Variants in MTUS2 observed in about 807,000 individuals in gnomAD.
MTUS2 encodes microtubule-associated tumor suppressor candidate 2.
Under a neutral mutation model 114.1 loss-of-function variants are expected in MTUS2, and 40 were observed. The ratio of observed to expected loss-of-function variants is 0.35; its 90% CI spans 0.27 to 0.46. The LOEUF (loss-of-function observed/expected upper bound fraction) is 0.46. Ranked by LOEUF, MTUS2 falls within the 20% of genes least tolerant of loss-of-function variation. The probability of loss-of-function intolerance (pLI) is 1.00; values close to 1 mark genes in which losing one functional copy is unlikely to be tolerated. For synonymous variants in MTUS2, 688 were observed against 672.0 expected (o/e 1.02, Z -0.37); for missense variants, 1,679 against 1,705.4 (o/e 0.98, Z 0.27).
At chr13:28,838,806 AAG>A (rs1378155525) in intron 1 of MTUS2, among the ~76,000 whole-genome samples, 1 of 152,198 alleles carries the variant, frequency 6.6e-6, no homozygotes, top group Non-Finnish European at 1.5e-5. Context: ...AAGAATTGAA[AAG>A]ATACACATAA....
chr13:29,473,965 A>T (rs1393612637), intron 9 of MTUS2, among the ~76,000 whole-genome samples: 1 of 152,188 alleles, frequency 6.6e-6, no homozygotes, highest in East Asian at 1.9e-4. Flanking sequence ...TAGACTTCTG[A>T]AGGTTTACTA....
chr13:29,477,633 G>A (rs182027951), intron 9 of MTUS2, among the ~76,000 whole-genome samples: 14 of 152,316 alleles, frequency 9.2e-5, no homozygotes, highest in Admixed American at 3.3e-4. Context: ...CTCTGACCAA[G>A]TCTGCCTTTC....
intron 9 of MTUS2, among the ~76,000 whole-genome samples, chr13:29,466,678 A>G (rs545118241): frequency 6.6e-5 from 10 of 152,070 alleles, no homozygotes; most frequent in Non-Finnish European, 1.0e-4. Context: ...GGAGTTCGAG[A>G]CCAGCATAGG....
intron 8 of MTUS2, among the ~76,000 whole-genome samples, chr13:29,363,284 G>C (rs1409252485): frequency 1.3e-5 from 2 of 152,120 alleles, no homozygotes; most frequent in Non-Finnish European, 1.5e-5. Context: ...GGATTTTCAT[G>C]TTACTTTTAA....
At chr13:29,307,750 A>G in intron 6 of MTUS2, 1 of 1,075,632 alleles carries the variant, frequency 9.3e-7, no homozygotes, top group South Asian at 1.2e-5. Flanking sequence ...CAACAGGGTG[A>G]TGGACCTCAT....
intron 2 of MTUS2, among the ~76,000 whole-genome samples, chr13:28,879,252 T>G (rs1335207291): frequency 6.6e-6 from 1 of 152,184 alleles, no homozygotes; most frequent in African/African-American, 2.4e-5. Context: ...AAAATTTTCT[T>G]CCATTCTGTA....
chr13:29,121,331 A>G (rs992082740), intron 5 of MTUS2, among the ~76,000 whole-genome samples: 7 of 152,210 alleles, frequency 4.6e-5, no homozygotes, highest in African/African-American at 1.7e-4. Flanking sequence ...CAAGGCAGAA[A>G]CAAACATGGA....
chr13:29,135,970 G>C (rs935653011), intron 5 of MTUS2, among the ~76,000 whole-genome samples: 13 of 152,242 alleles, frequency 8.5e-5, no homozygotes, highest in African/African-American at 3.1e-4. Flanking sequence ...GATAAAACTA[G>C]CTTTTAGACT....
At chr13:29,502,393 A>G (rs949186758) in intron 15 of MTUS2, among the ~76,000 whole-genome samples, 18 of 152,238 alleles carry the variant, frequency 1.2e-4, no homozygotes, top group African/African-American at 4.3e-4. Flanking sequence ...TTACGTGCCT[A>G]GCACCAGCTG....
At chr13:29,139,633 A>G (rs557091442) in intron 5 of MTUS2, among the ~76,000 whole-genome samples, 14 of 152,220 alleles carry the variant, frequency 9.2e-5, no homozygotes, top group African/African-American at 3.4e-4. Flanking sequence ...TCTTCACTCT[A>G]CGGTTTGGTC....
At position 29,488,053 on chromosome 13, in the gene MTUS2, C is replaced by T. The variant is rs189179437; in HGVS notation, c.3505+48C>T. ...GCAGGCAGGGGTGGGTGGTGCAATC[C>T]GAGCCTTTCCTGCTGCAGATGTGTG... is the stretch of plus-strand genomic sequence containing the variant. On this transcript the variant is annotated intron_variant, in intron 11 of 15. Coordinates refer to ENST00000612955, the MANE Select transcript of MTUS2 (RefSeq NM_001033602.4). The T allele has an allele frequency of 2.3e-4, 326 of 1,422,062 alleles. No individual in the cohort carries two copies. In the African/African-American group the frequency reaches 4.1e-3, roughly 18 times the overall value. The allele number at this position is 1,422,062 out of a possible 1,614,324, so 88.1% of individuals were successfully genotyped here.
chr13:29,281,812 C>T lies in MTUS2; in HGVS notation c.2753C>T (p.Thr918Ile). ...GCCCCTCCAGCATCCTCCAGTGTGA[C>T]AGCACCCCGCAGGAGTTTACTTCCA... is the stretch of plus-strand genomic sequence containing the variant. ...RVAPPASSSV[T>I]APRRSLLPAP... Residue 918 changes from threonine (T) to isoleucine (I), a missense_variant, in exon 6 of 16, where the codon ACA becomes ATA. Thr to Ile is a moderately conservative substitution (Grantham distance 89). Transcript: ENST00000612955. 6.2e-7 allele frequency: 1 copy of T among 1,611,856 alleles called. No individual in the cohort carries two copies. Among genetic ancestry groups the T allele is most frequent in the Non-Finnish European group, 8.5e-7 (1 of 1,178,276 alleles).
chr13:29,335,436 C>T (rs527332273), intron 7 of MTUS2, among the ~76,000 whole-genome samples: 1 of 152,290 alleles, frequency 6.6e-6, no homozygotes, highest in East Asian at 1.9e-4. Flanking sequence ...GTCCTGTGAT[C>T]TTGCCCTGCC....
intron 8 of MTUS2, among the ~76,000 whole-genome samples, chr13:29,392,696 G>C (rs1873604020): frequency 6.6e-6 from 1 of 152,176 alleles, no homozygotes; most frequent in African/African-American, 2.4e-5. Flanking sequence ...CCCTAGAGTA[G>C]TCAGATTTAT....
rs1871643331 is a variant in MTUS2 at position 29,375,622 on chromosome 13, TATATATATATATATATAC to T, written c.3117+16151_3117+16168del. On this transcript the variant is annotated intron_variant, in intron 8 of 15. Transcript: ENST00000612955. ...ATATATATATACGTATATATATATA[TATATATATATATATATAC>T]ACACACCATGAAATACCACTCAGCT... 1.5e-4 allele frequency among the ~76,000 whole-genome samples: 2 copies of T among 13,444 alleles called. 1 individual carries two copies. Among genetic ancestry groups the T allele is most frequent in the African/African-American group, 4.3e-4 (2 of 4,688 alleles). 8.8% of individuals were successfully genotyped at this position (13,444 alleles called of 152,430 possible). A position where few individuals can be genotyped will look rare whatever the true frequency, so the allele number is the denominator to read the frequency against.
chr13:28,907,636 A>G (rs1880121864), intron 2 of MTUS2, among the ~76,000 whole-genome samples: 1 of 151,504 alleles, frequency 6.6e-6, no homozygotes, highest in Non-Finnish European at 1.5e-5. Flanking sequence ...TAAACCAACA[A>G]AGATCAAAAG....
At chr13:28,829,940 C>A (rs1229718127) in intron 1 of MTUS2, among the ~76,000 whole-genome samples, 1 of 152,130 alleles carries the variant, frequency 6.6e-6, no homozygotes, top group Non-Finnish European at 1.5e-5. Context: ...TGAGGCTTTG[C>A]ATAAGTAAAG....
intron 3 of MTUS2, 64 bp from the exon 4 acceptor site, chr13:29,033,820 GT>G: frequency 6.3e-7 from 1 of 1,594,232 alleles, no homozygotes; most frequent in Non-Finnish European, 8.6e-7. Context: ...CGGTCTCGTG[GT>G]CCTGTATAGA....
intron 4 of MTUS2, among the ~76,000 whole-genome samples, chr13:29,038,821 C>G (rs891156900): frequency 6.6e-6 from 1 of 152,216 alleles, no homozygotes; most frequent in Non-Finnish European, 1.5e-5. Flanking sequence ...CTCGAACTTT[C>G]TGGTGGCTTT....
Sources: gnomAD v4.1 joint callset for allele counts (sites outside exome capture counted in the v4.1 genomes callset) on GRCh38, gnomAD v4.1.1 for gene constraint, MANE v1.5 for transcripts, NCBI Gene and HGNC (gene_info 2026-07-23, HGNC 2026-07-21) for gene names.